The following PTH2R variants were observed in gnomAD, a reference collection of about 807,000 sequenced individuals.
PTH2R encodes PTH2 receptor.
In PTH2R, 59 loss-of-function variants were observed where a neutral mutation model predicts 60.3. The observed-to-expected ratio is 0.98, with a 90% CI of 0.79 to 1.22. PTH2R has a LOEUF of 1.22. PTH2R is among the 50% of genes most tolerant of loss of function. The pLI is 0.00. For synonymous variants in PTH2R, 256 were observed against 243.8 expected, an observed-to-expected ratio of 1.05 and a Z score of -0.47; for missense variants, 749 against 682.6, an observed-to-expected ratio of 1.10 and a Z score of -1.08.
chr2:208,421,024 G>T (rs997533276), intron 1 of PTH2R, among the ~76,000 whole-genome samples: 2 of 152,086 alleles, frequency 1.3e-5, no homozygotes, highest in African/African-American at 4.8e-5. Flanking sequence ...ACCGTGCTTT[G>T]TTTCTAAGTA....
chr2:208,383,467 G>A (rs1010290474), intron 1 of PTH2R, among the ~76,000 whole-genome samples: 1 of 152,162 alleles, frequency 6.6e-6, no homozygotes, highest in African/African-American at 2.4e-5. Context: ...AAATTTTCTT[G>A]TAGAATTGTT....
At chr2:208,367,611 C>T (rs1440439871) in intron 1 of PTH2R, among the ~76,000 whole-genome samples, 1 of 152,096 alleles carries the variant, frequency 6.6e-6, no homozygotes, top group Admixed American at 6.6e-5. Flanking sequence ...CTCAGGTGAT[C>T]TGCCTGCCTT....
chr2:208,485,793 T>C (rs972234281), intron 10 of PTH2R, among the ~76,000 whole-genome samples: 4 of 152,184 alleles, frequency 2.6e-5, no homozygotes, highest in Non-Finnish European at 5.9e-5. Flanking sequence ...AGACCTATGA[T>C]GGGGTAGCCT....
rs201641557 is a variant in PTH2R, at chr2:208,437,755, T to C, written c.290-5T>C. The C allele has an allele frequency of 4.3e-6, 7 of 1,612,150 alleles. No homozygotes were observed. The highest frequency in any genetic ancestry group is 4.2e-6 in the Non-Finnish European group (5 of 1,178,288). ...GCGATCTCAGCATCTTTCATGTCTT[T>C]ACAGGAGTTGCTTTCCGACACTGTA... On this transcript the variant is annotated splice_polypyrimidine_tract_variant and splice_region_variant and intron_variant, in intron 3 of 12. Coordinates refer to ENST00000272847, the MANE Select transcript of PTH2R (RefSeq NM_005048.4).
intron 1 of PTH2R, among the ~76,000 whole-genome samples, chr2:208,398,663 T>C (rs534971818): frequency 1.3e-5 from 2 of 152,364 alleles, no homozygotes; most frequent in Admixed American, 6.5e-5. Context: ...ATCAATTCCC[T>C]TAAAACTGTT....
intron 1 of PTH2R, among the ~76,000 whole-genome samples, chr2:208,412,137 A>G (rs1050649531): frequency 3.9e-5 from 6 of 152,224 alleles, no homozygotes; most frequent in African/African-American, 1.4e-4. Flanking sequence ...CATTTTCTTC[A>G]TAACACTGAT....
Position 208,443,352 on chromosome 2 carries a change from T to C in PTH2R, c.514T>C (p.Leu172=). ...ACTGAATATTTCTCTCCGTAGACGA[T>C]TGCATTGCACTAGGAACTATATCCA... ...AILIIGYFRR[L]HCTRNYIHMH... The change falls in exon 6 of 13, where the codon TTG becomes CTG. Residue 172 remains leucine, a synonymous_variant. Transcript: ENST00000272847. The C allele has an allele frequency of 6.4e-7, 1 of 1,553,682 alleles. No homozygotes were observed. The highest frequency in any genetic ancestry group is 8.7e-7 in the Non-Finnish European group (1 of 1,153,310).
At chr2:208,424,672 G>T (rs945561159) in intron 1 of PTH2R, among the ~76,000 whole-genome samples, 2 of 152,130 alleles carry the variant, frequency 1.3e-5, no homozygotes, top group African/African-American at 4.8e-5. Context: ...ATTGGCGACT[G>T]GGAGTCAGTA....
intron 1 of PTH2R, among the ~76,000 whole-genome samples, chr2:208,394,349 T>C (rs1701165122): frequency 6.6e-6 from 1 of 152,264 alleles, no homozygotes; most frequent in Non-Finnish European, 1.5e-5. Context: ...GTTACTCATC[T>C]AGAAAGAGAA....
rs1703468569 is a variant in PTH2R at position 208,493,790 on chromosome 2, G to C, written c.*131G>C. ...AGGTGTTACTTAATAATAGTTTTTA[G>C]GCTCCATGAATTGGCTCCTGTAAAT... is the stretch of plus-strand genomic sequence containing the variant. On this transcript the variant is annotated 3_prime_UTR_variant, in exon 13 of 13. Transcript: ENST00000272847. 1 of 1,075,006 alleles carries C rather than the reference G, an allele frequency of 9.3e-7. No homozygotes were observed. Among genetic ancestry groups the C allele is most frequent in the South Asian group, 2.5e-5 (1 of 39,822 alleles). 66.6% of individuals were successfully genotyped at this position (1,075,006 alleles called of 1,614,324 possible).
intron 9 of PTH2R, among the ~76,000 whole-genome samples, chr2:208,464,653 G>A (rs1364326803): frequency 6.6e-6 from 1 of 152,162 alleles, no homozygotes; most frequent in East Asian, 1.9e-4. Flanking sequence ...TGTGCAGGCT[G>A]AAATTTTACT....
chr2:208,400,101 G>A (rs1010623315), intron 1 of PTH2R, among the ~76,000 whole-genome samples: 4 of 152,208 alleles, frequency 2.6e-5, no homozygotes, highest in Admixed American at 2.6e-4. Context: ...ACCCAAGTTA[G>A]TTCTTTCAGC....
At chr2:208,447,774 A>C (rs1702318604) in intron 7 of PTH2R, among the ~76,000 whole-genome samples, 1 of 152,022 alleles carries the variant, frequency 6.6e-6, no homozygotes, top group Non-Finnish European at 1.5e-5. Flanking sequence ...ATAGAGAATA[A>C]AGGTGAATAC....
intron 1 of PTH2R, among the ~76,000 whole-genome samples, chr2:208,397,997 T>C (rs1260318580): frequency 6.6e-6 from 1 of 152,218 alleles, no homozygotes; most frequent in Non-Finnish European, 1.5e-5. Flanking sequence ...TTTATCTGCC[T>C]AAAATAATTT....
At chr2:208,420,579 A>C (rs1196379896) in intron 1 of PTH2R, among the ~76,000 whole-genome samples, 2 of 152,206 alleles carry the variant, frequency 1.3e-5, no homozygotes, top group Non-Finnish European at 2.9e-5. Context: ...ATAGTCATTA[A>C]ACTAAACAAT....
At chr2:208,413,101 A>G (rs1029292955) in intron 1 of PTH2R, among the ~76,000 whole-genome samples, 3 of 151,626 alleles carry the variant, frequency 2.0e-5, no homozygotes, top group Non-Finnish European at 1.5e-5. Flanking sequence ...AAATATAAAC[A>G]CAGATGTAGT....
rs5838121 is a variant in PTH2R, at chr2:208,413,141, CCACACACA to C, written c.75+6046_75+6053del. On this transcript the variant is annotated intron_variant, in intron 1 of 12. Coordinates refer to ENST00000272847, the MANE Select transcript of PTH2R (RefSeq NM_005048.4). Reference sequence around the variant, plus strand: ...TCATCTTTATTTGTTTAAAAAGTGACCACACACACACACACACACACACACACACAGAA... The same window carrying C: ...TCATCTTTATTTGTTTAAAAAGTGACCACACACACACACACACACACAGAA... Among the ~76,000 whole-genome samples, 730 of 149,846 alleles carry C rather than the reference CCACACACA, an allele frequency of 4.9e-3. 1 individual carries two copies. The highest frequency in any genetic ancestry group is 9.8e-3 in the East Asian group (50 of 5,084).
chr2:208,391,235 G>A (rs1019577826), intron 1 of PTH2R, among the ~76,000 whole-genome samples: 4 of 152,176 alleles, frequency 2.6e-5, no homozygotes, highest in African/African-American at 9.7e-5. Flanking sequence ...GACGTTTCTC[G>A]ATTTAATAGA....
intron 7 of PTH2R, among the ~76,000 whole-genome samples, chr2:208,445,529 T>A (rs987391008): frequency 6.6e-6 from 1 of 152,192 alleles, no homozygotes; most frequent in Non-Finnish European, 1.5e-5. Flanking sequence ...ATTGTTTGCT[T>A]GTTAAAAATT....
Sources: allele counts gnomAD v4.1 joint callset (sites outside exome capture counted in the v4.1 genomes callset), GRCh38; gene constraint gnomAD v4.1.1; transcripts MANE v1.5; gene names NCBI Gene and HGNC (gene_info 2026-07-23, HGNC 2026-07-21).